The following TNXB variants were observed in gnomAD, a reference collection of about 807,000 sequenced individuals.
TNXB encodes tenascin XB, also known as tenascin-X.
A neutral mutation model predicts 340.5 loss-of-function variants in TNXB; 183 were observed. The observed-to-expected ratio is 0.54, with a 90% CI of 0.48 to 0.61. The LOEUF (loss-of-function observed/expected upper bound fraction) is 0.61, where lower values mean the gene tolerates loss of function less well. Ranked by LOEUF, TNXB falls within the 20% of genes least tolerant of loss-of-function variation. The probability of loss-of-function intolerance (pLI) is 0.00; values close to 1 mark genes in which losing one functional copy is unlikely to be tolerated. For synonymous variants in TNXB, 2,121 were observed against 2,314.5 expected (o/e 0.92, Z 2.40); for missense variants, 4,613 against 5,446.4 (o/e 0.85, Z 4.82).
chr6:32,103,249 C>G (rs1182841942), intron 1 of TNXB, among the ~76,000 whole-genome samples: 1 of 151,188 alleles, frequency 6.6e-6, no homozygotes, highest in Non-Finnish European at 1.5e-5. Context: ...GCTGAAACCC[C>G]GTCTCTACTA....
At position 32,061,317 on chromosome 6, in the gene TNXB, G is replaced by A. The variant is rs1777989032; in HGVS notation, c.7492+80C>T. The A allele has an allele frequency of 6.4e-7, 1 of 1,553,978 alleles. No homozygotes were observed. Among genetic ancestry groups the A allele is most frequent in the Non-Finnish European group, 8.7e-7 (1 of 1,148,468 alleles). ...ACAGGAGACAAGTCTGGACCCACAG[G>A]GCTTGGTGAAAGGGCACAGCAGTAA... is the stretch of plus-strand genomic sequence containing the variant. On this transcript the variant is annotated intron_variant, in intron 21 of 43. Transcript: ENST00000644971. The surrounding 1 kb of genome is among the most constrained non-coding windows in gnomAD (Gnocchi z 4.4).
chr6:32,077,518 A>G lies in TNXB; in HGVS notation c.4375+1515T>C, dbSNP rs116905063. ...TCTTTGTTTCTGTGAGCAAAGGAAAAAAGAGATTCCCCTCACTGTGACTAA... is the reference window on the plus strand; with the variant it reads ...TCTTTGTTTCTGTGAGCAAAGGAAAGAAGAGATTCCCCTCACTGTGACTAA... On this transcript the variant is annotated intron_variant, in intron 11 of 43. Transcript: ENST00000644971. 1.2e-3 allele frequency among the ~76,000 whole-genome samples: 189 copies of G among 152,346 alleles called. 6 individuals are homozygous for G. The East Asian group carries it at 0.018, about 15-fold the overall frequency.
At chr6:32,104,329 C>G (rs1780871852) in intron 1 of TNXB, among the ~76,000 whole-genome samples, 1 of 152,182 alleles carries the variant, frequency 6.6e-6, no homozygotes, top group African/African-American at 2.4e-5. Context: ...ATATATCCAC[C>G]TGCCTACTTG....
rs1287137094 is a variant in TNXB at position 32,043,285 on chromosome 6, G to A, written c.11684C>T (p.Ala3895Val). Residue 3895 changes from alanine (A) to valine (V), a missense_variant, in exon 37 of 44, where the codon GCG becomes GTG. Ala to Val is a moderately conservative substitution (Grantham distance 64). Coordinates refer to ENST00000644971, the MANE Select transcript of TNXB (RefSeq NM_001365276.2). ...PPLQAETPGSAVDYPLHDLVL... is the reference protein window; with the variant it reads ...PPLQAETPGSVVDYPLHDLVL... ...AAGGTCATGCAGGGGGTAGTCCACC[G>A]CGCTGCCTGGGGTCTCCGCCTGCAG... 2 of 323,516 alleles carry A rather than the reference G, an allele frequency of 6.2e-6. No homozygotes were observed. Among genetic ancestry groups the A allele is most frequent in the South Asian group, 2.4e-5 (1 of 42,256 alleles). 20.0% of individuals were successfully genotyped at this position (323,516 alleles called of 1,614,324 possible).
Position 32,087,284 on chromosome 6 carries a change from T to C in TNXB, c.2780-1166A>G, listed in dbSNP as rs1469287185. 1 of 503,536 alleles carries C rather than the reference T, an allele frequency of 2.0e-6. No homozygotes were observed. Among genetic ancestry groups the C allele is most frequent in the Non-Finnish European group, 4.0e-6 (1 of 253,108 alleles). The allele number at this position is 503,536 out of a possible 1,614,324, so 31.2% of individuals were successfully genotyped here. A position where few individuals can be genotyped will look rare whatever the true frequency, so the allele number is the denominator to read the frequency against. On this transcript the variant is annotated intron_variant, in intron 6 of 43. Coordinates refer to ENST00000644971, the MANE Select transcript of TNXB (RefSeq NM_001365276.2). The surrounding 1 kb of genome is among the most constrained non-coding windows in gnomAD (Gnocchi z 9.0). ...GTGATGAAGGCGTAGGACTTGGAGG[T>C]CTGCCCCGCCCGCACCCCGTGGACC...
intron 1 of TNXB, among the ~76,000 whole-genome samples, chr6:32,103,246 C>T (rs1477663109): frequency 6.6e-6 from 1 of 151,578 alleles, no homozygotes; most frequent in Non-Finnish European, 1.5e-5. Flanking sequence ...CATGCTGAAA[C>T]CCCGTCTCTA....
Position 32,061,855 on chromosome 6 carries a change from G to T in TNXB, c.7169-135C>A. ...GCTATGACTAGGGGACCTGAGGTCA[G>T]TTCAGAGAGGCCCATTCTTGGGGTC... On this transcript the variant is annotated intron_variant, in intron 20 of 43. Coordinates refer to ENST00000644971, the MANE Select transcript of TNXB (RefSeq NM_001365276.2). The surrounding 1 kb of genome is among the most constrained non-coding windows in gnomAD (Gnocchi z 4.4). 1 of 1,262,014 alleles carries T rather than the reference G, an allele frequency of 7.9e-7. No individual in the cohort carries two copies. Among genetic ancestry groups the T allele is most frequent in the Non-Finnish European group, 1.1e-6 (1 of 930,504 alleles). 78.2% of individuals were successfully genotyped at this position (1,262,014 alleles called of 1,614,324 possible). A position where few individuals can be genotyped will look rare whatever the true frequency, so the allele number is the denominator to read the frequency against.
intron 1 of TNXB, among the ~76,000 whole-genome samples, chr6:32,105,086 A>G (rs550019683): frequency 1.1e-4 from 17 of 151,930 alleles, no homozygotes; most frequent in African/African-American, 4.1e-4. Flanking sequence ...CCCTGCTCCC[A>G]CTTCACCACC....
Position 32,097,206 on chromosome 6 carries a change from G to A in TNXB, c.647C>T (p.Pro216Leu), listed in dbSNP as rs1780461065. The A allele has an allele frequency of 5.6e-6, 9 of 1,597,530 alleles. No individual in the cohort carries two copies. Among genetic ancestry groups the A allele is most frequent in the Non-Finnish European group, 6.0e-6 (7 of 1,172,772 alleles). The change falls in exon 3 of 44, where the codon CCA (proline) becomes CTA (leucine). Residue 216 changes from proline to leucine, a missense_variant. This residue lies in a region of TNXB where 4,327 missense variants were observed against 4,859.4 expected (regional missense o/e 0.89). Transcript: ENST00000644971. The surrounding 1 kb of genome is among the most constrained non-coding windows in gnomAD (Gnocchi z 5.9). ...GCCTTGGCAGTCCCCGGGACAGGAT[G>A]GCCAGCCACAGCTGGGGCCAGTGTA... Reference protein sequence around the residue: ...PGYTGPSCGWPSCPGDCQGRG... With the variant: ...PGYTGPSCGWLSCPGDCQGRG...
At position 32,084,540 on chromosome 6, in the gene TNXB, C is replaced by G; in HGVS notation, c.3318G>C (p.Val1106=). Residue 1106 remains valine, a synonymous_variant, in exon 8 of 44, where the codon GTG becomes GTC. Transcript: ENST00000644971. This position sits in a 1 kb window ranked among gnomAD's most constrained non-coding sequence, Gnocchi z 5.5. ...YKDRDGQPQV[V]PVEGPQRSAV... is the part of the protein sequence containing the mutation. ...CCGAGCGCTGGGGTCCTTCCACGGG[C>G]ACCACCTGGGGCTGCCCGTCCCTGT... is the stretch of plus-strand genomic sequence containing the variant. The G allele has an allele frequency of 6.2e-7, 1 of 1,608,832 alleles. No homozygotes were observed. Among genetic ancestry groups the G allele is most frequent in the Non-Finnish European group, 8.5e-7 (1 of 1,178,682 alleles).
chr6:32,048,238 T>C, intron 29 of TNXB, 125 bp downstream of exon 29: 1 of 1,181,216 alleles, frequency 8.5e-7, no homozygotes, highest in Non-Finnish European at 1.2e-6. Flanking sequence ...GGGCCTGGGT[T>C]TTCCTGGACC....
intron 28 of TNXB, among the ~76,000 whole-genome samples, 175 bp from the exon 29 acceptor site, chr6:32,048,825 C>T (rs1432246151): frequency 2.0e-5 from 3 of 152,244 alleles, no homozygotes; most frequent in Admixed American, 6.5e-5. Flanking sequence ...ATTTAACCCT[C>T]GCACAACATA....
chr6:32,070,376 G>A lies in TNXB; in HGVS notation c.5029C>T (p.Leu1677Phe). Residue 1677 changes from leucine (L) to phenylalanine (F), a missense_variant, in exon 14 of 44, where the codon CTT (leucine) becomes TTT (phenylalanine). By Grantham distance (22) the Leu-to-Phe change is conservative. Around this residue, in one of 7 missense-constraint regions of TNXB, gnomAD observed 4,327 missense variants for 4,859.4 expected, o/e 0.89. Transcript: ENST00000644971. This position sits in a 1 kb window ranked among gnomAD's most constrained non-coding sequence, Gnocchi z 6.0. The part of the protein sequence containing the change: ...GDASPGAPPR[L>F]GELWVTDPTP... ...GGGTCTGTCACCCACAGCTCCCCAA[G>A]GCGGGGTGGGGCCCCTGGGCTGGCG... 1 of 1,600,710 alleles carries A rather than the reference G, an allele frequency of 6.2e-7. No individual in the cohort carries two copies. Among genetic ancestry groups the A allele is most frequent in the Middle Eastern group, 1.7e-4 (1 of 6,036 alleles).
intron 26 of TNXB, among the ~76,000 whole-genome samples, chr6:32,050,675 A>G (rs1449795166): frequency 6.6e-6 from 1 of 152,020 alleles, no homozygotes; most frequent in Non-Finnish European, 1.5e-5. Context: ...CTCTGCAACA[A>G]GCTCAGCACA....
intron 1 of TNXB, among the ~76,000 whole-genome samples, chr6:32,099,658 T>G (rs57740770): frequency 0.034 from 5,216 of 152,010 alleles, 166 homozygotes; most frequent in East Asian, 0.076. Context: ...GCCACCATGC[T>G]TGGCTTCTCT....
At chr6:32,099,910 T>A (rs1463978255) in intron 1 of TNXB, among the ~76,000 whole-genome samples, 2 of 143,744 alleles carry the variant, frequency 1.4e-5, no homozygotes, top group Non-Finnish European at 3.0e-5. Context: ...ATGGTCTTTT[T>A]AGTTCCTGGT....
chr6:32,094,965 C>T, intron 4 of TNXB, 111 bp downstream of exon 4: 5 of 865,670 alleles, frequency 5.8e-6, no homozygotes, highest in Non-Finnish European at 9.2e-6. Flanking sequence ...GCTTCAGGTA[C>T]CCAGCCATCT....
intron 22 of TNXB, among the ~76,000 whole-genome samples, chr6:32,057,676 C>T (rs1235575629): frequency 6.6e-6 from 1 of 152,228 alleles, no homozygotes; most frequent in Non-Finnish European, 1.5e-5. Flanking sequence ...GTGCCTCTCA[C>T]GTGCCATGCT....
Position 32,047,994 on chromosome 6 carries a change from G to A in TNXB, c.10064C>T (p.Ser3355Phe). Reference protein sequence around the residue: ...EARTAPDTKPSPRLGELTVTD... With the variant: ...EARTAPDTKPFPRLGELTVTD... Reference sequence around the variant, plus strand: ...CACAGTCAGCTCCCCCAGGCGGGGAGACGGTTTGGTGTCTGGGGCTGGAAA... The same window carrying A: ...CACAGTCAGCTCCCCCAGGCGGGGAAACGGTTTGGTGTCTGGGGCTGGAAA... The change falls in exon 30 of 44, where the codon TCT (serine) becomes TTT (phenylalanine). Residue 3355 changes from serine (S) to phenylalanine (F), a missense_variant. Physicochemically the swap from Ser to Phe is radical, Grantham distance 155 (BLOSUM62 -2). Around this residue, in one of 7 missense-constraint regions of TNXB, gnomAD observed 4,327 missense variants for 4,859.4 expected, o/e 0.89. Transcript: ENST00000644971. The surrounding 1 kb of genome is among the most constrained non-coding windows in gnomAD (Gnocchi z 6.2). 1 of 1,604,590 alleles carries A rather than the reference G, an allele frequency of 6.2e-7. No individual in the cohort carries two copies. The highest frequency in any genetic ancestry group is 8.5e-7 in the Non-Finnish European group (1 of 1,175,566).
Sources: gnomAD v4.1 joint callset for allele counts (sites outside exome capture counted in the v4.1 genomes callset) on GRCh38, gnomAD v4.1.1 for gene constraint, gnomAD v4.1.1 regional missense constraint, Gnocchi (gnomAD v3.1) non-coding constraint, MANE v1.5 for transcripts, NCBI Gene and HGNC (gene_info 2026-07-23, HGNC 2026-07-21) for gene names.